FSTL4: variants seen among roughly 807,000 people sequenced by gnomAD.
The protein encoded by FSTL4 is follistatin like 4.
In FSTL4, 28 loss-of-function variants were observed where a neutral mutation model predicts 78.2. The ratio of observed to expected loss-of-function variants is 0.36; its 90% confidence interval spans 0.27 to 0.49. The LOEUF (loss-of-function observed/expected upper bound fraction) is 0.49, where lower values mean the gene tolerates loss of function less well. Ranked by LOEUF, FSTL4 falls within the 20% of genes least tolerant of loss-of-function variation. The pLI is 0.98. For missense variants in FSTL4, 922 were observed against 1,084.9 expected (o/e 0.85, Z 2.11); for synonymous variants, 422 against 440.5 (o/e 0.96, Z 0.53).
rs1456500034 is a variant in FSTL4 at position 133,199,018 on chromosome 5, T to C, written c.*77A>G. The C allele has an allele frequency of 2.2e-6, 2 of 907,294 alleles. No homozygotes were observed. The highest frequency in any genetic ancestry group is 3.3e-6 in the Non-Finnish European group (2 of 611,248). The allele number at this position is 907,294 out of a possible 1,614,324, so 56.2% of individuals were successfully genotyped here. A position where few individuals can be genotyped will look rare whatever the true frequency, so the allele number is the denominator to read the frequency against. On this transcript the variant is annotated 3_prime_UTR_variant, in exon 16 of 16. Coordinates refer to ENST00000265342, the MANE Select transcript of FSTL4 (RefSeq NM_015082.2). The surrounding 1 kb of genome is among the most constrained non-coding windows in gnomAD (Gnocchi z 4.4). ...AGGTTTTTGCTTTTGTCTGTAAAAA[T>C]GTACAGCGTACCTGCTTGAGGCTGC...
intron 3 of FSTL4, among the ~76,000 whole-genome samples, chr5:133,436,943 G>C (rs1052317131): frequency 1.3e-5 from 2 of 152,216 alleles, no homozygotes; most frequent in African/African-American, 4.8e-5. Context: ...TGGAGATAGA[G>C]AGAAGTGAAT....
intron 4 of FSTL4, among the ~76,000 whole-genome samples, chr5:133,385,934 T>G (rs79636866): frequency 1.3e-5 from 2 of 151,252 alleles, no homozygotes; most frequent in Admixed American, 6.6e-5. Context: ...TGTGTGTGTG[T>G]TTTTTTTTTA....
intron 13 of FSTL4, among the ~76,000 whole-genome samples, chr5:133,212,756 A>T (rs375971343): frequency 6.6e-6 from 1 of 152,228 alleles, no homozygotes; most frequent in African/African-American, 2.4e-5. Flanking sequence ...ATCAGTATAC[A>T]TATTCAAGAA....
chr5:133,776,694 C>G, the FSTL4 span, among the ~76,000 whole-genome samples: 61 of 152,316 alleles, frequency 4.0e-4, 1 homozygote, highest in African/African-American at 1.4e-3. Flanking sequence ...ACACCGAGTA[C>G]TTACCTCCAG....
chr5:133,810,142 C>T, the FSTL4 span, among the ~76,000 whole-genome samples: 1 of 152,250 alleles, frequency 6.6e-6, no homozygotes, highest in Non-Finnish European at 1.5e-5. Flanking sequence ...CTAAGGACCT[C>T]CTCTGCATAA....
intron 6 of FSTL4, among the ~76,000 whole-genome samples, chr5:133,300,182 C>A (rs1234908575): frequency 6.6e-6 from 1 of 152,140 alleles, no homozygotes. Flanking sequence ...TCCAGCTGTA[C>A]CTTGCACCTA....
the FSTL4 span, among the ~76,000 whole-genome samples, chr5:133,732,609 T>A: frequency 1.3e-5 from 2 of 152,056 alleles, no homozygotes; most frequent in Non-Finnish European, 2.9e-5. Flanking sequence ...TTGCACAGCC[T>A]CCTCCCGGCC....
At chr5:133,216,193 G>C (rs1412750667) in intron 13 of FSTL4, among the ~76,000 whole-genome samples, 2 of 152,066 alleles carry the variant, frequency 1.3e-5, no homozygotes, top group African/African-American at 2.4e-5. Flanking sequence ...AGTCTTTCAG[G>C]CTTCATGTTT....
the FSTL4 span, among the ~76,000 whole-genome samples, chr5:133,830,309 A>G: frequency 3.3e-5 from 5 of 152,202 alleles, no homozygotes; most frequent in Non-Finnish European, 7.3e-5. Context: ...TGCCTGTGTC[A>G]GAAGAGCCAG....
intron 3 of FSTL4, among the ~76,000 whole-genome samples, chr5:133,431,849 G>A (rs191006594): frequency 6.6e-6 from 1 of 152,032 alleles, no homozygotes; most frequent in African/African-American, 2.4e-5. Context: ...TTGTATTCAG[G>A]GTCCAGAATG....
rs532457420 is a variant in FSTL4 at position 133,221,374 on chromosome 5, T to C, written c.1340-508A>G. Among the ~76,000 whole-genome samples, 6 of 152,172 alleles carry C rather than the reference T, an allele frequency of 3.9e-5. No individual in the cohort carries two copies. The East Asian group carries it at 9.7e-4, about 25-fold the overall frequency. ...CTGGCTGTGCTGGCCAACCCCTCTT[T>C]CCAGACAGCTTGCTCTTACTTCTGT... On this transcript the variant is annotated intron_variant, in intron 11 of 15. Transcript: ENST00000265342.
intron 4 of FSTL4, among the ~76,000 whole-genome samples, chr5:133,364,945 T>C (rs930450460): frequency 1.3e-5 from 2 of 152,162 alleles, no homozygotes; most frequent in Non-Finnish European, 2.9e-5. Flanking sequence ...AAGGTGAGCT[T>C]TCCACTTCAA....
chr5:133,775,294 A>C, the FSTL4 span, among the ~76,000 whole-genome samples: 1 of 152,238 alleles, frequency 6.6e-6, no homozygotes, highest in African/African-American at 2.4e-5. Context: ...CATGGTTTTA[A>C]AGTAAGAATT....
At chr5:133,224,579 A>G (rs1169127656) in intron 10 of FSTL4, among the ~76,000 whole-genome samples, 1 of 152,244 alleles carries the variant, frequency 6.6e-6, no homozygotes, top group Admixed American at 6.5e-5. Flanking sequence ...GGATTCTCCT[A>G]AGATGACCAC....
chr5:133,500,425 C>T (rs915279843), intron 3 of FSTL4, among the ~76,000 whole-genome samples: 1 of 152,182 alleles, frequency 6.6e-6, no homozygotes, highest in Admixed American at 6.5e-5. Context: ...GGTTCAATTC[C>T]TTCCTCAGAA....
the FSTL4 span, among the ~76,000 whole-genome samples, chr5:133,837,494 T>A: frequency 1.3e-5 from 2 of 152,214 alleles, no homozygotes; most frequent in Non-Finnish European, 2.9e-5. Context: ...AGAGATAATG[T>A]GAGTTTCTGG....
At chr5:133,595,067 A>G (rs1760712378) in intron 2 of FSTL4, among the ~76,000 whole-genome samples, 3 of 152,112 alleles carry the variant, frequency 2.0e-5, no homozygotes, top group Admixed American at 1.3e-4. Flanking sequence ...TTGACTTTAC[A>G]TTTCACTCTC....
In FSTL4 at chr5:133,612,042, A is replaced by G. The variant is rs1017770538; in HGVS notation, c.-11+283T>C. Among the ~76,000 whole-genome samples, 84 of 151,246 alleles carry G rather than the reference A, an allele frequency of 5.6e-4. No individual in the cohort carries two copies. Among genetic ancestry groups the G allele is most frequent in the African/African-American group, 2.0e-3 (83 of 41,210 alleles). On this transcript the variant is annotated intron_variant, in intron 1 of 15. Coordinates refer to ENST00000265342, the MANE Select transcript of FSTL4 (RefSeq NM_015082.2). This position sits in a 1 kb window ranked among gnomAD's most constrained non-coding sequence, Gnocchi z 6.2. ...TGCCAACCGGGTCACTCCGGTCCCC[A>G]CCGTAGACCCCGGCCACGAGCCTCG...
rs1554107444 is a variant in FSTL4, at chr5:133,352,311, T to TAC, written c.410-35661_410-35660dup. ...ATATATATACACACACATATATATATACACACATATATATACACACATATA... is the reference window on the plus strand; with the variant it reads ...ATATATATACACACACATATATATATACACACACATATATATACACACATATA... On this transcript the variant is annotated intron_variant, in intron 4 of 15. Coordinates refer to ENST00000265342, the MANE Select transcript of FSTL4 (RefSeq NM_015082.2). Among the ~76,000 whole-genome samples, 30 of 98,840 alleles carry TAC rather than the reference T, an allele frequency of 3.0e-4. No homozygotes were observed. In the East Asian group the frequency reaches 0.01, roughly 34 times the overall value. 64.8% of individuals were successfully genotyped at this position (98,840 alleles called of 152,430 possible).
Sources: allele counts gnomAD v4.1 joint callset (sites outside exome capture counted in the v4.1 genomes callset), GRCh38; gene constraint gnomAD v4.1.1; non-coding constraint Gnocchi (gnomAD v3.1); transcripts MANE v1.5; gene names NCBI Gene and HGNC (gene_info 2026-07-23, HGNC 2026-07-21).